Variants in PARD3B observed in about 807,000 individuals in gnomAD.
PARD3B encodes the protein partitioning defective 3 homolog B.
In PARD3B, 103 loss-of-function variants were observed where a neutral mutation model predicts 130.2. The observed-to-expected ratio is 0.79, with a 90% CI of 0.67 to 0.93. The LOEUF (loss-of-function observed/expected upper bound fraction) is 0.93. Ranked by LOEUF, PARD3B falls within the 40% of genes least tolerant of loss-of-function variation. PARD3B has a pLI of 0.00. For synonymous variants in PARD3B, 583 were observed against 553.2 expected, an observed-to-expected ratio of 1.05 and a Z score of -0.76; for missense variants, 1,609 against 1,499.2, an observed-to-expected ratio of 1.07 and a Z score of -1.21.
At chr2:204,964,178 T>C (rs1368436612) in intron 2 of PARD3B, among the ~76,000 whole-genome samples, 1 of 152,214 alleles carries the variant, frequency 6.6e-6, no homozygotes, top group Non-Finnish European at 1.5e-5. Flanking sequence ...CACATTGCAC[T>C]TTTTGGAATG....
Position 205,309,926 on chromosome 2 carries a change from A to G in PARD3B, c.2630+8225A>G, listed in dbSNP as rs2042316765. ...TATCTATCTATCTATCTATCTATCTATCATCTATTTTTCATTGGAAAGTAA... is the reference window on the plus strand; with the variant it reads ...TATCTATCTATCTATCTATCTATCTGTCATCTATTTTTCATTGGAAAGTAA... On this transcript the variant is annotated intron_variant, in intron 18 of 22. Transcript: ENST00000406610. This position sits in a 1 kb window ranked among gnomAD's most constrained non-coding sequence, Gnocchi z 4.7. 7.8e-6 allele frequency among the ~76,000 whole-genome samples: 1 copy of G among 127,798 alleles called. No individual in the cohort carries two copies. The highest frequency in any genetic ancestry group is 1.7e-5 in the Non-Finnish European group (1 of 58,454). The allele number at this position is 127,798 out of a possible 152,430, so 83.8% of individuals were successfully genotyped here.
intron 2 of PARD3B, among the ~76,000 whole-genome samples, chr2:204,945,263 T>C (rs1466917330): frequency 6.6e-6 from 1 of 152,162 alleles, no homozygotes; most frequent in East Asian, 1.9e-4. Flanking sequence ...CCTAAGGGGA[T>C]CATGGAGGGT....
chr2:205,517,968 G>GT (rs747239685), intron 21 of PARD3B, among the ~76,000 whole-genome samples: 2 of 152,048 alleles, frequency 1.3e-5, no homozygotes, highest in Non-Finnish European at 2.9e-5. Flanking sequence ...GATTTTGGTT[G>GT]TTTTGCATTT....
Position 205,500,010 on chromosome 2 carries a change from A to G in PARD3B, c.3159A>G (p.Pro1053=). The G allele has an allele frequency of 1.2e-6, 2 of 1,613,880 alleles. No homozygotes were observed. Among genetic ancestry groups the G allele is most frequent in the Non-Finnish European group, 1.7e-6 (2 of 1,179,808 alleles). Reference sequence around the variant, plus strand: ...AAGACGACGAAGGAAGAGCAAGGCCATCTGAGTATGACCTACTCTGGGTAA... The same window carrying G: ...AAGACGACGAAGGAAGAGCAAGGCCGTCTGAGTATGACCTACTCTGGGTAA... ...LYEDDEGRAR[P]SEYDLLWVPG... The change falls in exon 21 of 23, where the codon CCA becomes CCG. Residue 1053 remains proline, a synonymous_variant. Coordinates refer to ENST00000406610, the MANE Select transcript of PARD3B (RefSeq NM_001302769.2).
rs550442647 is a variant in PARD3B, at chr2:205,014,098, A to G, written c.395-33483A>G. Among the ~76,000 whole-genome samples the G allele has an allele frequency of 5.9e-5, 9 of 152,334 alleles. No individual in the cohort carries two copies. The South Asian group carries it at 1.9e-3, about 32-fold the overall frequency. ...GAAAGTCTGAGAAAAGTCTTCATCT[A>G]TTCATATTGGCATGCTGGTACTTAA... is the stretch of plus-strand genomic sequence containing the variant. On this transcript the variant is annotated intron_variant, in intron 3 of 22. Coordinates refer to ENST00000406610, the MANE Select transcript of PARD3B (RefSeq NM_001302769.2).
At chr2:205,471,688 A>C (rs2048841551) in intron 20 of PARD3B, among the ~76,000 whole-genome samples, 2 of 152,200 alleles carry the variant, frequency 1.3e-5, no homozygotes, top group Non-Finnish European at 2.9e-5. Context: ...TAAACTAAAA[A>C]ACAGTAACCT....
intron 15 of PARD3B, among the ~76,000 whole-genome samples, chr2:205,238,570 G>A (rs941165550): frequency 5.3e-5 from 8 of 151,856 alleles, no homozygotes; most frequent in Non-Finnish European, 1.0e-4. Flanking sequence ...GGTGGCTTAC[G>A]CCTGTAATCC....
chr2:204,781,446 C>T (rs930263357), intron 2 of PARD3B, among the ~76,000 whole-genome samples: 5 of 152,088 alleles, frequency 3.3e-5, no homozygotes, highest in African/African-American at 1.2e-4. Flanking sequence ...ACTGCATAAG[C>T]TTAATTCATA....
chr2:205,487,632 G>A (rs544782700), intron 20 of PARD3B, among the ~76,000 whole-genome samples: 1 of 152,150 alleles, frequency 6.6e-6, no homozygotes, highest in Non-Finnish European at 1.5e-5. Context: ...GGATCTCTTG[G>A]GAGAAGAGAG....
At chr2:205,270,136 CAA>C (rs2040663307) in intron 16 of PARD3B, among the ~76,000 whole-genome samples, 1 of 152,008 alleles carries the variant, frequency 6.6e-6, no homozygotes, top group Non-Finnish European at 1.5e-5. Flanking sequence ...ACTATGTACT[CAA>C]AGTTAAAAAT....
chr2:204,744,706 A>C (rs1212999503), intron 2 of PARD3B, among the ~76,000 whole-genome samples: 4 of 152,158 alleles, frequency 2.6e-5, no homozygotes, highest in African/African-American at 9.7e-5. Context: ...GTTGAACTTA[A>C]TTCCTGAGTG....
intron 21 of PARD3B, among the ~76,000 whole-genome samples, chr2:205,545,999 C>T (rs987957762): frequency 6.6e-6 from 1 of 152,160 alleles, no homozygotes; most frequent in African/African-American, 2.4e-5. Context: ...AAGCTCTTTG[C>T]TTTTGTAAAG....
At chr2:204,719,316 T>C (rs1211380975) in intron 2 of PARD3B, among the ~76,000 whole-genome samples, 1 of 152,200 alleles carries the variant, frequency 6.6e-6, no homozygotes, top group African/African-American at 2.4e-5. Context: ...CAAAGCCTAG[T>C]GGATTAGCAA....
intron 18 of PARD3B, among the ~76,000 whole-genome samples, chr2:205,362,691 C>T (rs774867082): frequency 4.6e-5 from 7 of 152,172 alleles, no homozygotes; most frequent in Non-Finnish European, 7.3e-5. Context: ...TTAGCTTGTA[C>T]TACTAGTTTA....
intron 5 of PARD3B, among the ~76,000 whole-genome samples, chr2:205,108,300 G>A (rs542093386): frequency 2.4e-4 from 36 of 152,114 alleles, no homozygotes; most frequent in Middle Eastern, 3.4e-3. Flanking sequence ...AAACCATAGC[G>A]TTTATCACAC....
intron 16 of PARD3B, among the ~76,000 whole-genome samples, chr2:205,278,002 T>A (rs1426305437): frequency 6.6e-6 from 1 of 151,830 alleles, no homozygotes; most frequent in Non-Finnish European, 1.5e-5. Context: ...AAGGAATAAA[T>A]ATATTGTGAG....
intron 4 of PARD3B, chr2:205,103,642 A>T: frequency 1.1e-6 from 1 of 892,216 alleles, no homozygotes; most frequent in Non-Finnish European, 1.3e-6. Flanking sequence ...TTGTGACTCC[A>T]CTTATGAAGA....
intron 21 of PARD3B, among the ~76,000 whole-genome samples, chr2:205,522,167 T>TAATTA (rs1206882942): frequency 6.6e-6 from 1 of 151,692 alleles, no homozygotes; most frequent in African/African-American, 2.4e-5. Context: ...TATTTTTACT[T>TAATTA]AATTATTGTT....
chr2:205,536,334 T>C (rs2051856771), intron 21 of PARD3B, among the ~76,000 whole-genome samples: 2 of 152,206 alleles, frequency 1.3e-5, no homozygotes, highest in South Asian at 4.1e-4. Context: ...AAATAGGCTC[T>C]ATTCCTGTTC....
Sources: allele counts gnomAD v4.1 joint callset (sites outside exome capture counted in the v4.1 genomes callset), GRCh38; gene constraint gnomAD v4.1.1; non-coding constraint Gnocchi (gnomAD v3.1); transcripts MANE v1.5; gene names NCBI Gene and HGNC (gene_info 2026-07-23, HGNC 2026-07-21).